MAML1: variants seen among roughly 807,000 people sequenced by gnomAD.
MAML1 encodes the protein mastermind-like protein 1.
In MAML1, 14 loss-of-function variants were observed where a neutral mutation model predicts 77.1. The observed-to-expected ratio is 0.18, with a 90% CI of 0.12 to 0.28. The LOEUF (loss-of-function observed/expected upper bound fraction) is 0.28. Among genes scored for constraint, MAML1 ranks in the 10% least tolerant of loss-of-function variants. The pLI is 1.00. For synonymous variants in MAML1, 516 were observed against 551.9 expected, an observed-to-expected ratio of 0.93 and a Z score of 0.91; for missense variants, 1,217 against 1,327.8, an observed-to-expected ratio of 0.92 and a Z score of 1.30.
chr5:179,777,057 A>G lies in MAML1; in HGVS notation c.*2180A>G. On this transcript the variant is annotated 3_prime_UTR_variant, in exon 5 of 5. Coordinates refer to ENST00000292599, the MANE Select transcript of MAML1 (RefSeq NM_014757.5). ...TTCCAACTGTATATTTTTTACTTTT[A>G]TAGATTTTAAAACTATGATCCTTTA... 1.0e-6 allele frequency: 1 copy of G among 983,778 alleles called. No individual in the cohort carries two copies. Among genetic ancestry groups the G allele is most frequent in the Non-Finnish European group, 1.2e-6 (1 of 828,026 alleles). 60.9% of individuals were successfully genotyped at this position (983,778 alleles called of 1,614,324 possible).
At position 179,765,582 on chromosome 5, in the gene MAML1, T is replaced by C. The variant is rs780729908; in HGVS notation, c.572T>C (p.Leu191Pro). Residue 191 changes from leucine to proline, a missense_variant, in exon 2 of 5, where the codon CTG becomes CCG. Transcript: ENST00000292599. ...CTAGACTCTCTCAACAAAAAGCGTC[T>C]GGCTGACTCCAGCCTTCACTTGAAT... ...LGLDSLNKKR[L>P]ADSSLHLNGG... 22 of 1,614,066 alleles carry C rather than the reference T, an allele frequency of 1.4e-5. No individual in the cohort carries two copies. The highest frequency in any genetic ancestry group is 1.6e-5 in the Non-Finnish European group (19 of 1,180,030).
At chr5:179,765,003 G>GTGTA (rs1161759018) in intron 1 of MAML1, among the ~76,000 whole-genome samples, 2 of 147,166 alleles carry the variant, frequency 1.4e-5, no homozygotes, top group Non-Finnish European at 3.1e-5. Context: ...ATATGTGTGT[G>GTGTA]TGTGTGTGTG....
chr5:179,769,019 G>C lies in MAML1; in HGVS notation c.1901G>C (p.Arg634Thr). Residue 634 changes from arginine (R) to threonine (T), a missense_variant, in exon 3 of 5, where the codon AGG (arginine) becomes ACG (threonine). Transcript: ENST00000292599. This position sits in a 1 kb window ranked among gnomAD's most constrained non-coding sequence, Gnocchi z 4.2. ...HQLLLDQQKQREQQQKHLQQQ... is the reference protein window; with the variant it reads ...HQLLLDQQKQTEQQQKHLQQQ... ...TTGCTTTTGGACCAACAGAAACAAAGGGAGCAGCAGCAAAAGCATTTACAG... is the reference window on the plus strand; with the variant it reads ...TTGCTTTTGGACCAACAGAAACAAACGGAGCAGCAGCAAAAGCATTTACAG... The C allele has an allele frequency of 1.2e-6, 2 of 1,614,214 alleles. No individual in the cohort carries two copies. Among genetic ancestry groups the C allele is most frequent in the Non-Finnish European group, 8.5e-7 (1 of 1,180,040 alleles).
chr5:179,758,803 G>A (rs1373835736), intron 1 of MAML1, among the ~76,000 whole-genome samples: 3 of 151,270 alleles, frequency 2.0e-5, no homozygotes, highest in Non-Finnish European at 4.4e-5. Context: ...AGGAGTTCAA[G>A]ACCAGCCTCG....
At chr5:179,738,783 CTTT>C (rs11299146) in intron 1 of MAML1, among the ~76,000 whole-genome samples, 3 of 146,368 alleles carry the variant, frequency 2.0e-5, no homozygotes, top group Non-Finnish European at 1.5e-5. Context: ...TTATTGGCAT[CTTT>C]TTTTTTTTTT....
At chr5:179,746,231 A>G (rs1367101876) in intron 1 of MAML1, among the ~76,000 whole-genome samples, 2 of 151,858 alleles carry the variant, frequency 1.3e-5, no homozygotes, top group Admixed American at 6.6e-5. Context: ...CTGTAATCCC[A>G]GCAACTTGGG....
intron 1 of MAML1, among the ~76,000 whole-genome samples, chr5:179,755,093 A>G (rs1356839918): frequency 2.6e-5 from 4 of 152,196 alleles, no homozygotes; most frequent in Non-Finnish European, 4.4e-5. Flanking sequence ...AATCAAATAG[A>G]TCTGTGTCCA....
intron 1 of MAML1, among the ~76,000 whole-genome samples, chr5:179,736,834 G>T (rs958604591): frequency 6.6e-6 from 1 of 151,908 alleles, no homozygotes; most frequent in African/African-American, 2.4e-5. Flanking sequence ...TGTGGCGTGC[G>T]CCTGTGGTCC....
Position 179,753,651 on chromosome 5 carries a change from A to ATTTTTT in MAML1, c.316-11673_316-11672insTTTTTT, listed in dbSNP as rs372124056. Reference sequence around the variant, plus strand: ...CTGTTTGGGTTGTTTTATTATTATTATTATTTTTTTTTTTTTTTTTTTTTT... The same window carrying ATTTTTT: ...CTGTTTGGGTTGTTTTATTATTATTATTTTTTTTATTTTTTTTTTTTTTTTTTTTTT... On this transcript the variant is annotated intron_variant, in intron 1 of 4. Transcript: ENST00000292599. Among the ~76,000 whole-genome samples the ATTTTTT allele has an allele frequency of 3.1e-3, 204 of 66,314 alleles. 1 individual carries two copies. Among genetic ancestry groups the ATTTTTT allele is most frequent in the Non-Finnish European group, 3.5e-3 (127 of 36,460 alleles). 43.5% of individuals were successfully genotyped at this position (66,314 alleles called of 152,430 possible). A position where few individuals can be genotyped will look rare whatever the true frequency, so the allele number is the denominator to read the frequency against.
chr5:179,740,760 G>A (rs1311849284), intron 1 of MAML1, among the ~76,000 whole-genome samples: 1 of 152,178 alleles, frequency 6.6e-6, no homozygotes, highest in Non-Finnish European at 1.5e-5. Flanking sequence ...GAGGTGACAG[G>A]ACTGGGTTGC....
chr5:179,766,688 A>T lies in MAML1; in HGVS notation c.1678A>T (p.Met560Leu). ...TCACGAGCAGAACTCCCTGTTTCTG[A>T]TGAAGCCAAAGCCAGGAAATATGCC... ...ISHEQNSLFL[M>L]KPKPGNMPFR... The change falls in exon 2 of 5, where the codon ATG (methionine) becomes TTG (leucine). Residue 560 changes from methionine (M) to leucine (L), a missense_variant. Physicochemically the swap from Met to Leu is conservative, Grantham distance 15. This residue lies in a region of MAML1 where 884 missense variants were observed against 949.3 expected (regional missense o/e 0.93). Transcript: ENST00000292599. The surrounding 1 kb of genome is among the most constrained non-coding windows in gnomAD (Gnocchi z 4.0). 6.3e-7 allele frequency: 1 copy of T among 1,591,546 alleles called. No individual in the cohort carries two copies. The highest frequency in any genetic ancestry group is 8.6e-7 in the Non-Finnish European group (1 of 1,168,238).
At chr5:179,768,789 T>C in intron 2 of MAML1, 61 bp from the exon 3 acceptor site, 2 of 1,581,320 alleles carry the variant, frequency 1.3e-6, no homozygotes, top group Middle Eastern at 3.4e-4. Flanking sequence ...ATTCACTGGA[T>C]GGAGCTTATT....
intron 3 of MAML1, among the ~76,000 whole-genome samples, chr5:179,770,601 G>T (rs1006916740): frequency 6.6e-6 from 1 of 152,134 alleles, no homozygotes; most frequent in Non-Finnish European, 1.5e-5. Context: ...GAACATTTGG[G>T]TTTCTTGTTT....
chr5:179,747,488 A>G (rs970483362), intron 1 of MAML1, among the ~76,000 whole-genome samples: 1 of 152,244 alleles, frequency 6.6e-6, no homozygotes, highest in Non-Finnish European at 1.5e-5. Context: ...TGGCATATCC[A>G]TACAACAGAA....
intron 1 of MAML1, among the ~76,000 whole-genome samples, chr5:179,758,987 G>C (rs1779675909): frequency 6.6e-6 from 1 of 151,434 alleles, no homozygotes; most frequent in Non-Finnish European, 1.5e-5. Flanking sequence ...AACAGAGCAA[G>C]ACTCCGACTC....
chr5:179,769,262 CA>C lies in MAML1; in HGVS notation c.1971+174del, dbSNP rs1273627509. Among the ~76,000 whole-genome samples the C allele has an allele frequency of 6.6e-6, 1 of 152,160 alleles. No individual in the cohort carries two copies. The highest frequency in any genetic ancestry group is 1.9e-4 in the East Asian group (1 of 5,196). On this transcript the variant is annotated intron_variant, in intron 3 of 4. Transcript: ENST00000292599. This position sits in a 1 kb window ranked among gnomAD's most constrained non-coding sequence, Gnocchi z 4.2. ...TTCCAGGAATGTGGCATTTCTCAGA[CA>C]GGGGTAGTCTTGTCAGAAGCTGCTT... is the stretch of plus-strand genomic sequence containing the variant.
chr5:179,734,631 A>T (rs551276719), intron 1 of MAML1, among the ~76,000 whole-genome samples: 1 of 152,208 alleles, frequency 6.6e-6, no homozygotes, highest in Non-Finnish European at 1.5e-5. Context: ...TGGGCTTATT[A>T]TCGCCCCGTG....
At chr5:179,737,678 TTTC>T (rs1779193413) in intron 1 of MAML1, among the ~76,000 whole-genome samples, 2 of 139,292 alleles carry the variant, frequency 1.4e-5, no homozygotes, top group Non-Finnish European at 3.3e-5. Context: ...AGATTATTGT[TTTC>T]TTAGGATATC....
In MAML1 at chr5:179,733,323, G is replaced by T; in HGVS notation, c.211G>T (p.Ala71Ser). 2.2e-6 allele frequency: 3 copies of T among 1,380,698 alleles called. No individual in the cohort carries two copies. Among genetic ancestry groups the T allele is most frequent in the South Asian group, 1.5e-5 (1 of 67,948 alleles). 85.5% of individuals were successfully genotyped at this position (1,380,698 alleles called of 1,614,324 possible). A position where few individuals can be genotyped will look rare whatever the true frequency, so the allele number is the denominator to read the frequency against. Reference protein sequence around the residue: ...QRCIQAKAKRAGKHRQPPAAT... With the variant: ...QRCIQAKAKRSGKHRQPPAAT... ...CTGCATCCAGGCCAAGGCCAAGCGC[G>T]CCGGGAAGCACAGGCAGCCGCCCGC... The change falls in exon 1 of 5, where the codon GCC (alanine) becomes TCC (serine). Residue 71 changes from alanine (A) to serine (S), a missense_variant. Ala to Ser is a moderately conservative substitution (Grantham distance 99, BLOSUM62 1). This residue lies in a region of MAML1 where 312 missense variants were observed against 331.4 expected (regional missense o/e 0.94). Coordinates refer to ENST00000292599, the MANE Select transcript of MAML1 (RefSeq NM_014757.5).
Sources: gnomAD v4.1 joint callset for allele counts (sites outside exome capture counted in the v4.1 genomes callset) on GRCh38, gnomAD v4.1.1 for gene constraint, gnomAD v4.1.1 regional missense constraint, Gnocchi (gnomAD v3.1) non-coding constraint, MANE v1.5 for transcripts, NCBI Gene and HGNC (gene_info 2026-07-23, HGNC 2026-07-21) for gene names.